Variants in PHF3 observed in about 807,000 individuals in gnomAD.
PHF3 encodes PHD finger protein 3.
PHF3 carries 41 observed loss-of-function variants against 178.4 expected under a neutral mutation model. The observed-to-expected ratio is 0.23, with a 90% CI of 0.18 to 0.30. The LOEUF is 0.30. PHF3 is among the 10% of genes least tolerant of loss of function. The pLI is 1.00. For synonymous variants in PHF3, 842 were observed against 800.5 expected (o/e 1.05, Z -0.88); for missense variants, 2,346 against 2,398.1 (o/e 0.98, Z 0.45).
Position 63,685,550 on chromosome 6 carries a change from C to T in PHF3, c.1828C>T (p.Pro610Ser). The T allele has an allele frequency of 6.2e-7, 1 of 1,614,100 alleles. No homozygotes were observed. The highest frequency in any genetic ancestry group is 2.2e-5 in the East Asian group (1 of 44,880). ...CGCTCATCCTGGTTGCTTGAAAGAACCTCATCATCCTGCACAAACTGGACA... is the reference window on the plus strand; with the variant it reads ...CGCTCATCCTGGTTGCTTGAAAGAATCTCATCATCCTGCACAAACTGGACA... ...SHAHPGCLKEPHHPAQTGHVS... is the reference protein window; with the variant it reads ...SHAHPGCLKESHHPAQTGHVS... Residue 610 changes from proline to serine, a missense_variant, in exon 4 of 16, where the codon CCT becomes TCT. This residue lies in a region of PHF3 where 843 missense variants were observed against 795.2 expected (regional missense o/e 1.06). Transcript: ENST00000262043.
At chr6:63,686,751 T>A (rs1766723830) in intron 4 of PHF3, among the ~76,000 whole-genome samples, 1 of 152,228 alleles carries the variant, frequency 6.6e-6, no homozygotes, top group African/African-American at 2.4e-5. Context: ...TAAAAGAACA[T>A]TATAATTTGT....
At chr6:63,676,811 G>T (rs930418697) in intron 2 of PHF3, among the ~76,000 whole-genome samples, 2 of 152,228 alleles carry the variant, frequency 1.3e-5, no homozygotes, top group African/African-American at 2.4e-5. Flanking sequence ...ACTGTCAGGG[G>T]AGAGGGGATG....
At chr6:63,650,192 C>G (rs1764962726) in intron 2 of PHF3, among the ~76,000 whole-genome samples, 2 of 152,148 alleles carry the variant, frequency 1.3e-5, no homozygotes, top group South Asian at 4.1e-4. Context: ...GCCTTTCATT[C>G]AGATAGCACT....
Position 63,713,162 on chromosome 6 carries a change from T to A in PHF3, c.5574T>A (p.Val1858=). The A allele has an allele frequency of 6.2e-7, 1 of 1,614,032 alleles. No individual in the cohort carries two copies. The highest frequency in any genetic ancestry group is 8.5e-7 in the Non-Finnish European group (1 of 1,179,958). Residue 1858 remains valine (V), a synonymous_variant, in exon 16 of 16, where the codon GTT becomes GTA. Transcript: ENST00000262043. ...AQNPMVPWPP[V]VHLPGQPQRM... is the part of the protein sequence containing the mutation. Reference sequence around the variant, plus strand: ...ATCCCATGGTTCCCTGGCCACCTGTTGTTCATCTCCCAGGTCAGCCACAGC... The same window carrying A: ...ATCCCATGGTTCCCTGGCCACCTGTAGTTCATCTCCCAGGTCAGCCACAGC...
intron 2 of PHF3, among the ~76,000 whole-genome samples, chr6:63,677,477 C>T (rs1766220137): frequency 6.6e-6 from 1 of 152,136 alleles, no homozygotes; most frequent in Non-Finnish European, 1.5e-5. Context: ...TCAGATGCTG[C>T]TAGGAAATGG....
chr6:63,642,474 CAT>C (rs1466674237), intron 1 of PHF3, among the ~76,000 whole-genome samples: 10 of 152,186 alleles, frequency 6.6e-5, no homozygotes, highest in African/African-American at 2.2e-4. Context: ...ATGCTTAACA[CAT>C]GTATGAGTAA....
rs553600976 is a variant in PHF3, at chr6:63,720,310, A to T, written c.*6602A>T. ...TGATTTTAAAATGTAAGCATTAGGG[A>T]TAGGTAAAAAGTGAATAAGCAAAGT... On this transcript the variant is annotated 3_prime_UTR_variant, in exon 16 of 16. Transcript: ENST00000262043. 1.6e-4 allele frequency: 62 copies of T among 391,064 alleles called. 3 individuals carry two copies. The South Asian group carries it at 6.7e-3, about 42-fold the overall frequency. 24.2% of individuals were successfully genotyped at this position (391,064 alleles called of 1,614,324 possible).
chr6:63,717,909 G>A lies in PHF3; in HGVS notation c.*4201G>A, dbSNP rs1486778254. ...GCACCTTATTTTTAAAAAATGTTCC[G>A]TTTACATTCAACACTTTGAGAAACC... On this transcript the variant is annotated 3_prime_UTR_variant, in exon 16 of 16. Transcript: ENST00000262043. Among the ~76,000 whole-genome samples, 1 of 151,766 alleles carries A rather than the reference G, an allele frequency of 6.6e-6. No individual in the cohort carries two copies. Among genetic ancestry groups the A allele is most frequent in the Non-Finnish European group, 1.5e-5 (1 of 67,910 alleles).
intron 2 of PHF3, among the ~76,000 whole-genome samples, chr6:63,649,093 T>TA (rs1160584039): frequency 6.6e-6 from 1 of 151,502 alleles, no homozygotes; most frequent in African/African-American, 2.4e-5. Flanking sequence ...TTTATTTATT[T>TA]ATTTATTTAT....
chr6:63,655,319 C>T (rs1473270301), intron 2 of PHF3, among the ~76,000 whole-genome samples: 2 of 152,010 alleles, frequency 1.3e-5, no homozygotes, highest in Non-Finnish European at 2.9e-5. Context: ...TCAGGTGATC[C>T]ACCTGCGTTG....
intron 2 of PHF3, among the ~76,000 whole-genome samples, chr6:63,663,407 G>A (rs950255855): frequency 1.3e-5 from 2 of 152,098 alleles, no homozygotes; most frequent in Non-Finnish European, 2.9e-5. Flanking sequence ...GGCAGTGGCA[G>A]ATCCTTGTTT....
intron 2 of PHF3, among the ~76,000 whole-genome samples, chr6:63,647,145 G>A (rs752575341): frequency 2.0e-5 from 3 of 151,912 alleles, no homozygotes; most frequent in Non-Finnish European, 2.9e-5. Flanking sequence ...TTAGTAAATA[G>A]GGATTGCCCG....
intron 6 of PHF3, among the ~76,000 whole-genome samples, chr6:63,697,775 T>G (rs1054829629): frequency 6.6e-6 from 1 of 152,326 alleles, no homozygotes; most frequent in South Asian, 2.1e-4. Flanking sequence ...GCTGGTATAA[T>G]AAGTCAGAGC....
chr6:63,657,321 G>T (rs1765276523), intron 2 of PHF3, among the ~76,000 whole-genome samples: 1 of 152,042 alleles, frequency 6.6e-6, no homozygotes, highest in Non-Finnish European at 1.5e-5. Flanking sequence ...GGGATTTAGG[G>T]TCACAGAGCC....
intron 2 of PHF3, among the ~76,000 whole-genome samples, chr6:63,665,422 T>C (rs944579666): frequency 2.6e-5 from 4 of 151,620 alleles, no homozygotes; most frequent in Non-Finnish European, 5.9e-5. Flanking sequence ...TTTTGTGGCA[T>C]AAAGATTTTA....
intron 1 of PHF3, among the ~76,000 whole-genome samples, chr6:63,645,432 A>G (rs929400868): frequency 2.6e-5 from 4 of 152,220 alleles, no homozygotes; most frequent in African/African-American, 7.2e-5. Context: ...TGTTTTGTAC[A>G]GTATGACATA....
At chr6:63,675,519 C>T (rs376361949) in intron 2 of PHF3, among the ~76,000 whole-genome samples, 8 of 152,190 alleles carry the variant, frequency 5.3e-5, no homozygotes, top group African/African-American at 1.9e-4. Context: ...CTTGAATGTT[C>T]AGCATGAGAG....
chr6:63,706,872 C>G lies in PHF3; in HGVS notation c.3707C>G (p.Thr1236Arg). 2 of 1,613,538 alleles carry G rather than the reference C, an allele frequency of 1.2e-6. No homozygotes were observed. Among genetic ancestry groups the G allele is most frequent in the Non-Finnish European group, 1.7e-6 (2 of 1,179,750 alleles). ...YPVSGSPEYL[T>R]EDLPDSIQVG... ...GTATCTGGCTCCCCAGAATACCTGACAGAGGTACTGTGAACTTTTCTGCTT... is the reference window on the plus strand; with the variant it reads ...GTATCTGGCTCCCCAGAATACCTGAGAGAGGTACTGTGAACTTTTCTGCTT... The change falls in exon 13 of 16, where the codon ACA becomes AGA. Residue 1236 changes from threonine (T) to arginine (R), a missense_variant. Thr to Arg is a moderately conservative substitution (Grantham distance 71, BLOSUM62 -1). Transcript: ENST00000262043.
chr6:63,665,345 A>C (rs1389870260), intron 2 of PHF3, among the ~76,000 whole-genome samples: 1 of 152,138 alleles, frequency 6.6e-6, no homozygotes, highest in East Asian at 1.9e-4. Flanking sequence ...TTTGTAAACC[A>C]AAAATGTGTA....
Sources: allele counts gnomAD v4.1 joint callset (sites outside exome capture counted in the v4.1 genomes callset), GRCh38; gene constraint gnomAD v4.1.1; regional missense constraint gnomAD v4.1.1; transcripts MANE v1.5; gene names NCBI Gene and HGNC (gene_info 2026-07-23, HGNC 2026-07-21).